C4orf17: variants seen among roughly 807,000 people sequenced by gnomAD.
C4orf17 encodes the protein chromosome 4 open reading frame 17, also known as uncharacterized protein C4orf17.
Under a neutral mutation model 32.0 loss-of-function variants are expected in C4orf17, and 25 were observed. The ratio of observed to expected loss-of-function variants is 0.78; its 90% CI spans 0.57 to 1.09. The LOEUF (loss-of-function observed/expected upper bound fraction) is 1.09, where lower values mean the gene tolerates loss of function less well. Ranked by LOEUF, C4orf17 falls within the 50% of genes least tolerant of loss-of-function variation. The pLI, the probability that C4orf17 is intolerant of heterozygous loss-of-function variation, is 0.00. For missense variants in C4orf17, 420 were observed against 420.0 expected (o/e 1.00, Z 0.00); for synonymous variants, 149 against 145.8 (o/e 1.02, Z -0.16).
chr4:99,517,448 G>A (rs780030290), intron 2 of C4orf17, among the ~76,000 whole-genome samples: 13 of 152,102 alleles, frequency 8.5e-5, no homozygotes, highest in South Asian at 2.1e-4. Flanking sequence ...ATAGAAACAG[G>A]TTCTGGGCAG....
chr4:99,520,089 A>ATTT (rs33976011), intron 2 of C4orf17, among the ~76,000 whole-genome samples: 14 of 139,644 alleles, frequency 1.0e-4, no homozygotes, highest in Admixed American at 2.2e-4. Context: ...CCCACATTTA[A>ATTT]TTTTTTTTTT....
In C4orf17 at chr4:99,518,582, G is replaced by A. The variant is rs534522361; in HGVS notation, c.128-3918G>A. Among the ~76,000 whole-genome samples the A allele has an allele frequency of 1.1e-3, 124 of 110,050 alleles. 1 individual carries two copies. Among genetic ancestry groups the A allele is most frequent in the African/African-American group, 5.1e-3 (105 of 20,594 alleles). The allele number at this position is 110,050 out of a possible 152,430, so 72.2% of individuals were successfully genotyped here. On this transcript the variant is annotated intron_variant, in intron 2 of 8. Coordinates refer to ENST00000326581, the MANE Select transcript of C4orf17 (RefSeq NM_032149.3). The stretch of plus-strand genomic sequence containing the variant: ...AGAGAGAGAGAGAGAGAGAGAGAGA[G>A]AGGGAGGGAGACAGAGAGAGAGAGA...
At chr4:99,517,141 T>G (rs1453862751) in intron 2 of C4orf17, among the ~76,000 whole-genome samples, 39 of 152,220 alleles carry the variant, frequency 2.6e-4, no homozygotes, top group Non-Finnish European at 4.4e-5. Flanking sequence ...CAGTTCTTAG[T>G]TTCACATCTG....
intron 5 of C4orf17, among the ~76,000 whole-genome samples, chr4:99,530,448 G>A (rs905423032): frequency 2.6e-5 from 4 of 152,018 alleles, no homozygotes; most frequent in Non-Finnish European, 4.4e-5. Context: ...CTTCCTGAAA[G>A]GCCGTCCCCA....
intron 2 of C4orf17, among the ~76,000 whole-genome samples, chr4:99,520,896 C>T (rs1022017301): frequency 6.6e-6 from 1 of 152,046 alleles, no homozygotes; most frequent in Non-Finnish European, 1.5e-5. Flanking sequence ...ATAAATTATA[C>T]TTATAAGTAT....
chr4:99,520,217 G>A (rs998476813), intron 2 of C4orf17, among the ~76,000 whole-genome samples: 2 of 151,678 alleles, frequency 1.3e-5, no homozygotes, highest in Non-Finnish European at 2.9e-5. Flanking sequence ...AGTCTCCCGA[G>A]TAGCTGGAAC....
rs1455134691 is a variant in C4orf17, at chr4:99,537,650, C to T, written c.547-19C>T. 6.3e-7 allele frequency: 1 copy of T among 1,587,658 alleles called. No homozygotes were observed. The highest frequency in any genetic ancestry group is 1.7e-5 in the Admixed American group (1 of 59,986). On this transcript the variant is annotated intron_variant, in intron 5 of 8. Transcript: ENST00000326581. ...GTACTATTTATTTGCTCATATGTAACTCTAATGTTCTCTGTCAGATCCTGG... is the reference window on the plus strand; with the variant it reads ...GTACTATTTATTTGCTCATATGTAATTCTAATGTTCTCTGTCAGATCCTGG...
intron 2 of C4orf17, among the ~76,000 whole-genome samples, chr4:99,518,538 TATATATAGAG>T (rs1458984567): frequency 8.3e-5 from 6 of 72,270 alleles, no homozygotes; most frequent in Admixed American, 1.5e-4. Flanking sequence ...TATATATATA[TATATATAGAG>T]AGAGAGAGAG....
chr4:99,540,373 T>C (rs1219464227), intron 7 of C4orf17, 39 bp from the exon 8 acceptor site: 1 of 1,505,662 alleles, frequency 6.6e-7, no homozygotes, highest in Non-Finnish European at 9.2e-7. Flanking sequence ...CTTTTTTGTA[T>C]CTGTGAAATT....
intron 3 of C4orf17, among the ~76,000 whole-genome samples, chr4:99,523,198 T>C (rs551357471): frequency 6.6e-6 from 1 of 152,276 alleles, no homozygotes; most frequent in East Asian, 1.9e-4. Context: ...TAGTAAACAA[T>C]TGAATTAATT....
chr4:99,540,543 GC>G, intron 8 of C4orf17, 88 bp downstream of exon 8: 1 of 855,960 alleles, frequency 1.2e-6, no homozygotes, highest in Non-Finnish European at 1.9e-6. Context: ...AAGGATCAGT[GC>G]TTTTAAAAAA....
At chr4:99,539,416 G>T in intron 7 of C4orf17, 46 bp downstream of exon 7, 1 of 1,422,610 alleles carries the variant, frequency 7.0e-7, no homozygotes, top group Non-Finnish European at 9.9e-7. Flanking sequence ...TATGGCACAT[G>T]AAGACTTTGA....
Position 99,537,674 on chromosome 4 carries a change from G to C in C4orf17, c.552G>C (p.Leu184=), listed in dbSNP as rs755159623. ...ACTCTAATGTTCTCTGTCAGATCCT[G>C]GCAAAGCTCTGTAGCATTTTGCATA... The part of the protein sequence containing the change: ...PNYLDQEIKI[L]AKLCSILHTD... Residue 184 remains leucine, a synonymous_variant, in exon 6 of 9, where the codon CTG becomes CTC. Coordinates refer to ENST00000326581, the MANE Select transcript of C4orf17 (RefSeq NM_032149.3). The C allele has an allele frequency of 6.2e-7, 1 of 1,610,788 alleles. No homozygotes were observed. Among genetic ancestry groups the C allele is most frequent in the Non-Finnish European group, 8.5e-7 (1 of 1,178,602 alleles).
Position 99,524,525 on chromosome 4 carries a change from C to G in C4orf17, c.342C>G (p.Pro114=), listed in dbSNP as rs752464874. 1.3e-6 allele frequency: 2 copies of G among 1,587,058 alleles called. No homozygotes were observed. Among genetic ancestry groups the G allele is most frequent in the Non-Finnish European group, 1.7e-6 (2 of 1,158,434 alleles). Residue 114 remains proline (P), a synonymous_variant, in exon 4 of 9, where the codon CCC becomes CCG. Coordinates refer to ENST00000326581, the MANE Select transcript of C4orf17 (RefSeq NM_032149.3). ...AKVPPRPHSE[P]SRKIKECFKT... is the part of the protein sequence containing the mutation. ...TTTTCCTCAATTTTATTTCAGAGCC[C>G]AGTAGAAAAATTAAAGAGTGCTTCA... is the stretch of plus-strand genomic sequence containing the variant.
intron 1 of C4orf17, among the ~76,000 whole-genome samples, chr4:99,512,695 TCAA>T (rs1342483048): frequency 6.6e-6 from 1 of 152,156 alleles, no homozygotes; most frequent in African/African-American, 2.4e-5. Context: ...TTTTGGTAAG[TCAA>T]CAAAGTGAGC....
chr4:99,529,778 G>T (rs1300253156), intron 4 of C4orf17, 37 bp from the exon 5 acceptor site: 1 of 1,508,802 alleles, frequency 6.6e-7, no homozygotes, highest in Admixed American at 2.0e-5. Flanking sequence ...ATAGGTGGAT[G>T]CAAATGTATA....
At chr4:99,539,063 A>G in intron 6 of C4orf17, 100 bp from the exon 7 acceptor site, 2 of 1,065,432 alleles carry the variant, frequency 1.9e-6, no homozygotes, top group Non-Finnish European at 2.8e-6. Context: ...AAAATAGATG[A>G]CCAGTCTTTC....
chr4:99,518,543 A>AT (rs1723231473), intron 2 of C4orf17, among the ~76,000 whole-genome samples: 1 of 76,172 alleles, frequency 1.3e-5, no homozygotes, highest in Non-Finnish European at 2.3e-5. Context: ...ATATATATAT[A>AT]TAGAGAGAGA....
At chr4:99,535,356 ATC>A (rs755208332) in intron 5 of C4orf17, among the ~76,000 whole-genome samples, 18 of 150,468 alleles carry the variant, frequency 1.2e-4, no homozygotes, top group Non-Finnish European at 2.4e-4. Flanking sequence ...CATTCTCCTC[ATC>A]TCTTTTAGGT....
Sources: allele counts gnomAD v4.1 joint callset (sites outside exome capture counted in the v4.1 genomes callset), GRCh38; gene constraint gnomAD v4.1.1; transcripts MANE v1.5; gene names NCBI Gene and HGNC (gene_info 2026-07-23, HGNC 2026-07-21).